The following CHST5 variants were observed in gnomAD, a reference collection of about 807,000 sequenced individuals.
CHST5 encodes the protein carbohydrate sulfotransferase 5, also known as GST4-alpha.
For missense variants in CHST5, 637 were observed against 602.1 expected (o/e 1.06, Z -0.61); for synonymous variants, 313 against 279.2 (o/e 1.12, Z -1.21).
chr16:75,529,935 C>A lies in CHST5; in HGVS notation c.450G>T (p.Ala150=), dbSNP rs887228307. 2 of 1,613,214 alleles carry A rather than the reference C, an allele frequency of 1.2e-6. No individual in the cohort carries two copies. The highest frequency in any genetic ancestry group is 2.7e-5 in the African/African-American group (2 of 75,032). Residue 150 remains alanine, a synonymous_variant, in exon 4 of 4, where the codon GCG becomes GCT. Transcript: ENST00000336257. Reference sequence around the variant, plus strand: ...CGCTGCAGGCGGGCGGCGAGCACAGCGCGCGGCTCGTTGCCCAGTTGAAAA... The same window carrying A: ...CGCTGCAGGCGGGCGGCGAGCACAGAGCGCGGCTCGTTGCCCAGTTGAAAA... ...SAFFNWATSR[A]LCSPPACSAF...
In CHST5 at chr16:75,530,420, T is replaced by C. The variant is rs2080508824; in HGVS notation, c.-36A>G. ...AATTACTGCCCAGTGCCCTCAGGGA[T>C]CAGCCCTCAGATTCGGCTACCCTAC... On this transcript the variant is annotated 5_prime_UTR_variant, in exon 4 of 4. It removes the in-frame stop codon of an upstream open reading frame in the 5' UTR. Transcript: ENST00000336257. The C allele has an allele frequency of 2.0e-6, 3 of 1,480,112 alleles. No individual in the cohort carries two copies. Among genetic ancestry groups the C allele is most frequent in the Non-Finnish European group, 2.7e-6 (3 of 1,112,098 alleles). The allele number at this position is 1,480,112 out of a possible 1,614,324, so 91.7% of individuals were successfully genotyped here.
intron 3 of CHST5, among the ~76,000 whole-genome samples, chr16:75,532,271 T>C (rs1481896310): frequency 6.6e-6 from 1 of 152,182 alleles, no homozygotes; most frequent in Non-Finnish European, 1.5e-5. Context: ...CCTGAGCCTT[T>C]AGTGGACCTT....
In CHST5 at chr16:75,530,617, T is replaced by C. The variant is rs2080511001; in HGVS notation, c.-233A>G. ...CCACCCACCCACCTACTTACATACC[T>C]ACAGGCTATCTATCTGTAGAGAGAA... is the stretch of plus-strand genomic sequence containing the variant. On this transcript the variant is annotated 5_prime_UTR_variant, in exon 4 of 4. Coordinates refer to ENST00000336257, the MANE Select transcript of CHST5 (RefSeq NM_024533.5). 7.1e-7 allele frequency: 1 copy of C among 1,404,574 alleles called. No individual in the cohort carries two copies. 87.0% of individuals were successfully genotyped at this position (1,404,574 alleles called of 1,614,324 possible). A position where few individuals can be genotyped will look rare whatever the true frequency, so the allele number is the denominator to read the frequency against.
intron 3 of CHST5, 40 bp downstream of exon 3, chr16:75,533,049 G>A: frequency 2.9e-6 from 2 of 690,024 alleles, no homozygotes; most frequent in Non-Finnish European, 5.3e-6. Flanking sequence ...CCCTTCCCTG[G>A]GTAGGGAGGA....
chr16:75,530,192 C>G lies in CHST5; in HGVS notation c.193G>C (p.Val65Leu). The change falls in exon 4 of 4, where the codon GTG becomes CTG. Residue 65 changes from valine to leucine, a missense_variant. Val to Leu is a conservative substitution (Grantham distance 32, BLOSUM62 1). Coordinates refer to ENST00000336257, the MANE Select transcript of CHST5 (RefSeq NM_024533.5). ...SPAGGEDRVH[V>L]LVLSSWRSGS... Reference sequence around the variant, plus strand: ...GAGCGCCACGAGGACAGCACCAGCACGTGCACACGATCCTCGCCGCCGGCT... The same window carrying G: ...GAGCGCCACGAGGACAGCACCAGCAGGTGCACACGATCCTCGCCGCCGGCT... 2 of 1,613,652 alleles carry G rather than the reference C, an allele frequency of 1.2e-6. No individual in the cohort carries two copies. The highest frequency in any genetic ancestry group is 2.2e-5 in the East Asian group (1 of 44,878).
In CHST5 at chr16:75,530,237, G is replaced by A. The variant is rs772584259; in HGVS notation, c.148C>T (p.Arg50Trp). 9 of 1,613,432 alleles carry A rather than the reference G, an allele frequency of 5.6e-6. No individual in the cohort carries two copies. Among genetic ancestry groups the A allele is most frequent in the South Asian group, 3.3e-5 (3 of 91,062 alleles). Residue 50 changes from arginine to tryptophan, a missense_variant, in exon 4 of 4, where the codon CGG (arginine) becomes TGG (tryptophan). Arg to Trp is a moderately radical substitution (Grantham distance 101). Transcript: ENST00000336257. ...TTCLLLFIIS[R>W]PGPSSPAGGE... ...CCGGCTGGGGATGAGGGCCCTGGCC[G>A]GGAGATGATGAAGAGCAGGAGGCAG... is the stretch of plus-strand genomic sequence containing the variant.
chr16:75,533,812 G>C (rs903030224), intron 2 of CHST5, among the ~76,000 whole-genome samples: 1 of 152,054 alleles, frequency 6.6e-6, no homozygotes, highest in Non-Finnish European at 1.5e-5. Context: ...AGGCCTAGGT[G>C]GGTGGTCACC....
In CHST5 at chr16:75,530,546, G is replaced by C. The variant is rs563482481; in HGVS notation, c.-162C>G. On this transcript the variant is annotated 5_prime_UTR_variant, in exon 4 of 4. Transcript: ENST00000336257. ...AATATAGTCTGTGCTCACAGCAGAA[G>C]TCCAGTTGCAGAATAATGTGGGATA... 3 of 1,436,660 alleles carry C rather than the reference G, an allele frequency of 2.1e-6. No individual in the cohort carries two copies. The highest frequency in any genetic ancestry group is 3.0e-5 in the Admixed American group (1 of 33,252). 89.0% of individuals were successfully genotyped at this position (1,436,660 alleles called of 1,614,324 possible).
chr16:75,534,863 G>A (rs1264697424), intron 2 of CHST5, among the ~76,000 whole-genome samples: 1 of 152,194 alleles, frequency 6.6e-6, no homozygotes, highest in Non-Finnish European at 1.5e-5. Flanking sequence ...ACCCAAGTAT[G>A]GAATAAGAAC....
At chr16:75,534,323 T>A (rs575406272) in intron 2 of CHST5, among the ~76,000 whole-genome samples, 2 of 151,182 alleles carry the variant, frequency 1.3e-5, no homozygotes, top group South Asian at 4.2e-4. Context: ...TGTGACAGAG[T>A]GAGACCCCAT....
chr16:75,534,295 C>G (rs760066153), intron 2 of CHST5, among the ~76,000 whole-genome samples: 15 of 152,026 alleles, frequency 9.9e-5, no homozygotes, highest in Non-Finnish European at 1.8e-4. Context: ...CGAGATGGCA[C>G]AATTGCACTC....
chr16:75,529,046 G>T lies in CHST5; in HGVS notation c.*103C>A. The T allele has an allele frequency of 7.7e-7, 1 of 1,291,144 alleles. No homozygotes were observed. The highest frequency in any genetic ancestry group is 1.5e-5 in the African/African-American group (1 of 67,318). The allele number at this position is 1,291,144 out of a possible 1,614,324, so 80.0% of individuals were successfully genotyped here. A position where few individuals can be genotyped will look rare whatever the true frequency, so the allele number is the denominator to read the frequency against. On this transcript the variant is annotated 3_prime_UTR_variant, in exon 4 of 4. Coordinates refer to ENST00000336257, the MANE Select transcript of CHST5 (RefSeq NM_024533.5). ...GAGGACCCCAAACTCCCGGTTGATAGTAGGGACCTGCTTCCCCATGCGCCC... is the reference window on the plus strand; with the variant it reads ...GAGGACCCCAAACTCCCGGTTGATATTAGGGACCTGCTTCCCCATGCGCCC...
At position 75,531,371 on chromosome 16, in the gene CHST5, A is replaced by G. The variant is rs2080520657; in HGVS notation, c.-987T>C. Reference sequence around the variant, plus strand: ...AAAAAACTTTTGTCATTAAAGATAAACAAGTAAATAAAGTGGACAAAGAAC... The same window carrying G: ...AAAAAACTTTTGTCATTAAAGATAAGCAAGTAAATAAAGTGGACAAAGAAC... On this transcript the variant is annotated 5_prime_UTR_variant, in exon 4 of 4. Transcript: ENST00000336257. 1 of 1,065,110 alleles carries G rather than the reference A, an allele frequency of 9.4e-7. No individual in the cohort carries two copies. The highest frequency in any genetic ancestry group is 1.7e-5 in the African/African-American group (1 of 58,228). The allele number at this position is 1,065,110 out of a possible 1,614,324, so 66.0% of individuals were successfully genotyped here.
intron 3 of CHST5, 86 bp downstream of exon 3, chr16:75,533,003 G>T (rs542184377): frequency 3.1e-6 from 2 of 635,254 alleles, no homozygotes; most frequent in Non-Finnish European, 5.7e-6. Flanking sequence ...GGACCCTGCT[G>T]CTCTGGCCCA....
rs775442215 is a variant in CHST5, at chr16:75,530,175, C to T, written c.210G>A (p.Ser70=). 2.4e-5 allele frequency: 39 copies of T among 1,613,618 alleles called. No homozygotes were observed. The highest frequency in any genetic ancestry group is 3.1e-5 in the Non-Finnish European group (36 of 1,179,984). ...EDRVHVLVLS[S]WRSGSSFLGQ... Reference sequence around the variant, plus strand: ...CCAAGAAGGATGAGCCCGAGCGCCACGAGGACAGCACCAGCACGTGCACAC... The same window carrying T: ...CCAAGAAGGATGAGCCCGAGCGCCATGAGGACAGCACCAGCACGTGCACAC... The change falls in exon 4 of 4, where the codon TCG becomes TCA. Residue 70 remains serine (S), a synonymous_variant. Transcript: ENST00000336257.
At position 75,529,371 on chromosome 16, in the gene CHST5, G is replaced by T. The variant is rs774591518; in HGVS notation, c.1014C>A (p.Ile338=). The change falls in exon 4 of 4, where the codon ATC becomes ATA. Residue 338 remains isoleucine (I), a synonymous_variant. Coordinates refer to ENST00000336257, the MANE Select transcript of CHST5 (RefSeq NM_024533.5). ...ITHGSGIGKP[I]EAFHTSSRNA... The stretch of plus-strand genomic sequence containing the variant: ...TCCTAGACGAAGTATGGAAGGCCTC[G>T]ATTGGCTTGCCGATCCCCGACCCGT... 1.2e-6 allele frequency: 2 copies of T among 1,613,132 alleles called. No individual in the cohort carries two copies. The highest frequency in any genetic ancestry group is 1.3e-5 in the African/African-American group (1 of 75,062).
At chr16:75,535,099 T>A (rs2080552077) in intron 2 of CHST5, 28 bp downstream of exon 2, 1 of 152,354 alleles carries the variant, frequency 6.6e-6, no homozygotes, top group Non-Finnish European at 1.5e-5. Context: ...TGGGGACACC[T>A]CCGGTGGAGA....
Position 75,531,429 on chromosome 16 carries a change from G to C in CHST5, c.-1045C>G. The C allele has an allele frequency of 1.7e-6, 2 of 1,196,380 alleles. No homozygotes were observed. Among genetic ancestry groups the C allele is most frequent in the Non-Finnish European group, 2.1e-6 (2 of 933,724 alleles). The allele number at this position is 1,196,380 out of a possible 1,614,324, so 74.1% of individuals were successfully genotyped here. Reference sequence around the variant, plus strand: ...GTTGTCATCACTGGTGGGGAGTGAAGTGCTGTAGGCAGCATGGGCTCCAGA... The same window carrying C: ...GTTGTCATCACTGGTGGGGAGTGAACTGCTGTAGGCAGCATGGGCTCCAGA... On this transcript the variant is annotated 5_prime_UTR_variant, in exon 4 of 4. Transcript: ENST00000336257.
Position 75,530,213 on chromosome 16 carries a change from CGGCTG to C in CHST5, c.167_171del (p.Pro56ArgfsTer73), listed in dbSNP as rs1752366893. 1 of 1,613,644 alleles carries C rather than the reference CGGCTG, an allele frequency of 6.2e-7. No homozygotes were observed. Among genetic ancestry groups the C allele is most frequent in the African/African-American group, 1.3e-5 (1 of 75,054 alleles). On this transcript the variant is annotated frameshift_variant, in exon 4 of 4. Coordinates refer to ENST00000336257, the MANE Select transcript of CHST5 (RefSeq NM_024533.5). LOFTEE classifies it low-confidence loss of function (END_TRUNC). ...AGCACGTGCACACGATCCTCGCCGC[CGGCTG>C]GGGATGAGGGCCCTGGCCGGGAGAT...
Sources: gnomAD v4.1 joint callset for allele counts (sites outside exome capture counted in the v4.1 genomes callset) on GRCh38, gnomAD v4.1.1 for gene constraint, MANE v1.5 for transcripts, NCBI Gene and HGNC (gene_info 2026-07-23, HGNC 2026-07-21) for gene names.